The following SCN2A variants were observed in gnomAD, a reference collection of about 807,000 sequenced individuals.
SCN2A encodes the protein sodium channel protein type 2 subunit alpha.
Under a neutral mutation model 188.7 loss-of-function variants are expected in SCN2A, and 20 were observed. The observed-to-expected ratio is 0.11, with a 90% CI of 0.07 to 0.15. SCN2A has a LOEUF of 0.15. Ranked by LOEUF, SCN2A falls within the 10% of genes least tolerant of loss-of-function variation. The probability of loss-of-function intolerance (pLI) is 1.00; values close to 1 mark genes in which losing one functional copy is unlikely to be tolerated. For missense variants in SCN2A, 1,278 were observed against 2,445.0 expected (o/e 0.52, Z 10.07); for synonymous variants, 804 against 833.1 (o/e 0.97, Z 0.60).
At position 165,354,539 on chromosome 2, in the gene SCN2A, A is replaced by T. The variant is rs750574846; in HGVS notation, c.3267A>T (p.Glu1089Asp). 2 of 1,614,132 alleles carry T rather than the reference A, an allele frequency of 1.2e-6. No homozygotes were observed. Among genetic ancestry groups the T allele is most frequent in the Non-Finnish European group, 1.7e-6 (2 of 1,179,998 alleles). ...GTGTAGAAAAATATGTCGTGGATGA[A>T]AGTGATTACATGTCATTTATAAACA... ...GSSVEKYVVD[E>D]SDYMSFINNP... Residue 1089 changes from glutamate to aspartate, a missense_variant, in exon 17 of 27, where the codon GAA becomes GAT. This residue lies in a region of SCN2A where 228 missense variants were observed against 297.3 expected (regional missense o/e 0.77). Coordinates refer to ENST00000375437, the MANE Select transcript of SCN2A (RefSeq NM_001040142.2).
At chr2:165,306,504 TTG>T (rs10524719) in intron 3 of SCN2A, among the ~76,000 whole-genome samples, 3,135 of 147,278 alleles carry the variant, frequency 0.021, 40 homozygotes, top group South Asian at 0.031. Flanking sequence ...AAATGGTATT[TTG>T]TGTGTGTGTG....
intron 17 of SCN2A, among the ~76,000 whole-genome samples, chr2:165,355,860 G>A (rs954058367): frequency 2.0e-5 from 3 of 151,934 alleles, no homozygotes; most frequent in Admixed American, 1.3e-4. Context: ...TTAGCCAGGC[G>A]TGGTGGTGCG....
chr2:165,372,309 A>T (rs1250813561), intron 20 of SCN2A: 1 of 152,154 alleles, frequency 6.6e-6, no homozygotes, highest in Non-Finnish European at 1.5e-5. Flanking sequence ...ATTTTGAATA[A>T]GTTGTTTTTT....
intron 7 of SCN2A, 165 bp downstream of exon 7, chr2:165,310,760 T>G (rs1358585457): frequency 6.7e-6 from 3 of 449,688 alleles, no homozygotes; most frequent in Non-Finnish European, 1.1e-5. Context: ...ATTCTATTTT[T>G]CTTATCTGTC....
chr2:165,262,466 G>A (rs1483283315), intron 1 of SCN2A, among the ~76,000 whole-genome samples: 1 of 152,110 alleles, frequency 6.6e-6, no homozygotes, highest in African/African-American at 2.4e-5. Flanking sequence ...GAGAACTTAC[G>A]ATGTTTGGTT....
chr2:165,314,678 C>G (rs572258664), intron 10 of SCN2A, among the ~76,000 whole-genome samples: 7 of 152,194 alleles, frequency 4.6e-5, no homozygotes, highest in African/African-American at 1.4e-4. Flanking sequence ...CTCTCTGCCT[C>G]CTACTCTACA....
intron 16 of SCN2A, among the ~76,000 whole-genome samples, chr2:165,346,372 T>C (rs1699587546): frequency 6.6e-6 from 1 of 152,214 alleles, no homozygotes; most frequent in African/African-American, 2.4e-5. Context: ...TCTTTTCACA[T>C]AGTCCCATGT....
At chr2:165,253,925 C>G (rs140220932) in intron 1 of SCN2A, among the ~76,000 whole-genome samples, 57 of 151,912 alleles carry the variant, frequency 3.8e-4, no homozygotes, top group Non-Finnish European at 5.7e-4. Flanking sequence ...GCAATCATTC[C>G]TTTACTTATT....
At chr2:165,308,077 C>A in intron 4 of SCN2A, 140 bp downstream of exon 4, 1 of 731,858 alleles carries the variant, frequency 1.4e-6, no homozygotes. Context: ...ATTTCTGTCA[C>A]TAAATGTCTT....
intron 22 of SCN2A, among the ~76,000 whole-genome samples, chr2:165,377,328 C>T (rs1039251493): frequency 6.6e-6 from 1 of 151,812 alleles, no homozygotes; most frequent in Non-Finnish European, 1.5e-5. Flanking sequence ...AAAGATTGTT[C>T]ATATTGTTTT....
At chr2:165,381,718 A>G (rs1226703499) in intron 25 of SCN2A, among the ~76,000 whole-genome samples, 1 of 151,964 alleles carries the variant, frequency 6.6e-6, no homozygotes, top group Non-Finnish European at 1.5e-5. Flanking sequence ...TCCCACCCTT[A>G]AATGAGATGA....
intron 14 of SCN2A, among the ~76,000 whole-genome samples, chr2:165,336,821 G>C (rs898076267): frequency 7.2e-5 from 11 of 151,874 alleles, no homozygotes; most frequent in Non-Finnish European, 1.5e-4. Context: ...AAATGTTCTT[G>C]TATATATCAC....
intron 11 of SCN2A, among the ~76,000 whole-genome samples, chr2:165,318,804 A>G (rs1373982341): frequency 6.6e-6 from 1 of 152,170 alleles, no homozygotes; most frequent in Non-Finnish European, 1.5e-5. Context: ...AGTATGTCAC[A>G]CATCCTGCAA....
At chr2:165,293,202 C>T (rs189529633) in intron 1 of SCN2A, among the ~76,000 whole-genome samples, 57 of 152,256 alleles carry the variant, frequency 3.7e-4, no homozygotes, top group Non-Finnish European at 5.4e-4. Flanking sequence ...AGCCTACATA[C>T]GGTAATTGCT....
intron 6 of SCN2A, 68 bp from the exon 7 acceptor site, chr2:165,310,255 G>T (rs893552606): frequency 2.0e-6 from 3 of 1,502,434 alleles, no homozygotes; most frequent in Non-Finnish European, 2.8e-6. Flanking sequence ...ACAAGCTCAT[G>T]ATATTTTTGC....
chr2:165,347,166 A>G (rs779051767), intron 16 of SCN2A, among the ~76,000 whole-genome samples: 1 of 152,230 alleles, frequency 6.6e-6, no homozygotes, highest in Non-Finnish European at 1.5e-5. Context: ...AGCACTATTC[A>G]TAATAGCAAA....
chr2:165,350,476 T>TTTTTTTTC (rs1699837721), intron 16 of SCN2A, among the ~76,000 whole-genome samples: 1 of 108,112 alleles, frequency 9.2e-6, no homozygotes, highest in African/African-American at 3.5e-5. Context: ...TTTTTTTTTT[T>TTTTTTTTC]TTTTTTTTTT....
chr2:165,365,375 ATC>A, intron 18 of SCN2A, 112 bp downstream of exon 18: 1 of 232,888 alleles, frequency 4.3e-6, no homozygotes, highest in Non-Finnish European at 7.3e-6. Context: ...ATCTATCTGT[ATC>A]TATCTATCTA....
intron 16 of SCN2A, among the ~76,000 whole-genome samples, chr2:165,352,902 C>T (rs182473012): frequency 5.3e-5 from 8 of 152,088 alleles, no homozygotes; most frequent in Admixed American, 2.6e-4. Flanking sequence ...TGTGCATTTG[C>T]CCCCCTTTAC....
Sources: allele counts gnomAD v4.1 joint callset (sites outside exome capture counted in the v4.1 genomes callset), GRCh38; gene constraint gnomAD v4.1.1; regional missense constraint gnomAD v4.1.1; transcripts MANE v1.5; gene names NCBI Gene and HGNC (gene_info 2026-07-23, HGNC 2026-07-21).